The following TANGO6 variants were observed in gnomAD, a reference collection of about 807,000 sequenced individuals.
TANGO6 encodes the protein transport and golgi organization 6 homolog.
TANGO6 carries 90 observed loss-of-function variants against 114.2 expected under a neutral mutation model. That is an observed-to-expected ratio of 0.79 (90% confidence interval 0.66 to 0.94). The LOEUF (loss-of-function observed/expected upper bound fraction) is 0.94. TANGO6 is among the 40% of genes least tolerant of loss of function. The pLI, the probability that TANGO6 is intolerant of heterozygous loss-of-function variation, is 0.00. For missense variants in TANGO6, 1,274 were observed against 1,315.3 expected (o/e 0.97, Z 0.49); for synonymous variants, 477 against 509.8 (o/e 0.94, Z 0.87).
chr16:68,973,987 G>T (rs748813602), intron 14 of TANGO6, 41 bp from the exon 15 acceptor site: 1 of 1,563,626 alleles, frequency 6.4e-7, no homozygotes. Context: ...CCTTTTGATC[G>T]TAAACAGTAA....
intron 15 of TANGO6, among the ~76,000 whole-genome samples, chr16:69,011,697 A>G (rs901786103): frequency 6.6e-6 from 1 of 152,048 alleles, no homozygotes; most frequent in Non-Finnish European, 1.5e-5. Flanking sequence ...GCCTCAAGCC[A>G]TCCTCCCACC....
chr16:68,977,928 C>T (rs1002317880), intron 15 of TANGO6, among the ~76,000 whole-genome samples: 6 of 151,948 alleles, frequency 3.9e-5, no homozygotes, highest in East Asian at 2.0e-4. Flanking sequence ...TCAGGTGATC[C>T]GCCTGCCTTG....
chr16:69,076,753 A>G (rs1313621583), intron 17 of TANGO6, among the ~76,000 whole-genome samples: 1 of 152,202 alleles, frequency 6.6e-6, no homozygotes, highest in Non-Finnish European at 1.5e-5. Context: ...TGAGTCCACC[A>G]GAATCCTGTG....
intron 7 of TANGO6, among the ~76,000 whole-genome samples, chr16:68,899,788 A>G (rs937706013): frequency 2.0e-5 from 3 of 152,024 alleles, no homozygotes; most frequent in Middle Eastern, 6.8e-3. Flanking sequence ...TTTTGTAGAG[A>G]TGGGGTCTTA....
In TANGO6 at chr16:68,892,532, C is replaced by T. The variant is rs1417052191; in HGVS notation, c.1378-7902C>T. ...CTTTCTTTTTTTTTTTTTTTTGAGA[C>T]GGAGTCTCTGTCTGTTGCCCAGGCT... On this transcript the variant is annotated intron_variant, in intron 7 of 17. Transcript: ENST00000261778. Among the ~76,000 whole-genome samples the T allele has an allele frequency of 5.6e-5, 8 of 142,074 alleles. No individual in the cohort carries two copies. In the South Asian group the frequency reaches 1.1e-3, roughly 19 times the overall value. The allele number at this position is 142,074 out of a possible 152,430, so 93.2% of individuals were successfully genotyped here.
At chr16:68,893,897 A>G (rs910896125) in intron 7 of TANGO6, among the ~76,000 whole-genome samples, 2 of 152,064 alleles carry the variant, frequency 1.3e-5, no homozygotes, top group Admixed American at 6.5e-5. Context: ...GAAAGAGACT[A>G]AACATAAGCA....
At chr16:68,970,226 T>A (rs1439401154) in intron 14 of TANGO6, among the ~76,000 whole-genome samples, 1 of 152,146 alleles carries the variant, frequency 6.6e-6, no homozygotes, top group Non-Finnish European at 1.5e-5. Context: ...ATGGTGGTGT[T>A]GTTACCAGAA....
intron 4 of TANGO6, among the ~76,000 whole-genome samples, chr16:68,871,088 G>A (rs1962260619): frequency 6.6e-6 from 1 of 151,886 alleles, no homozygotes; most frequent in South Asian, 2.1e-4. Context: ...ACCGCACCCG[G>A]CCTGGCAATT....
At chr16:68,961,609 T>G (rs1327338651) in intron 14 of TANGO6, among the ~76,000 whole-genome samples, 2 of 152,248 alleles carry the variant, frequency 1.3e-5, no homozygotes, top group Non-Finnish European at 2.9e-5. Flanking sequence ...TAAATATGGC[T>G]GTCAGTAAAT....
At chr16:69,043,541 T>G (rs1959807116) in intron 17 of TANGO6, among the ~76,000 whole-genome samples, 1 of 152,138 alleles carries the variant, frequency 6.6e-6, no homozygotes, top group Non-Finnish European at 1.5e-5. Context: ...TCACTGAAAC[T>G]TATAAGTTGT....
At chr16:68,927,330 ATG>A (rs747941463) in intron 12 of TANGO6, among the ~76,000 whole-genome samples, 3 of 151,888 alleles carry the variant, frequency 2.0e-5, no homozygotes, top group Admixed American at 6.6e-5. Flanking sequence ...AAGGATATGA[ATG>A]TGTGTGTGTG....
intron 15 of TANGO6, among the ~76,000 whole-genome samples, chr16:68,987,172 A>G (rs1359929025): frequency 2.0e-5 from 3 of 151,616 alleles, no homozygotes; most frequent in Non-Finnish European, 2.9e-5. Flanking sequence ...TTTTTCTATG[A>G]TATACAGCTC....
chr16:68,847,750 A>T (rs1961836330), intron 1 of TANGO6, among the ~76,000 whole-genome samples: 1 of 152,188 alleles, frequency 6.6e-6, no homozygotes, highest in African/African-American at 2.4e-5. Flanking sequence ...CTGTAATCCT[A>T]GCACTTTGGG....
intron 1 of TANGO6, among the ~76,000 whole-genome samples, chr16:68,858,062 A>G: frequency 6.7e-6 from 1 of 149,438 alleles, no homozygotes; most frequent in African/African-American, 2.5e-5. Context: ...TATCTCTCGG[A>G]AGATTTTTTT....
chr16:68,941,985 C>T (rs1963359198), intron 14 of TANGO6, among the ~76,000 whole-genome samples: 1 of 152,040 alleles, frequency 6.6e-6, no homozygotes, highest in Non-Finnish European at 1.5e-5. Flanking sequence ...TTACAGGTTA[C>T]TGTAAAATTA....
intron 17 of TANGO6, among the ~76,000 whole-genome samples, chr16:69,077,221 A>AT (rs1385025064): frequency 4.4e-4 from 67 of 151,096 alleles, no homozygotes; most frequent in African/African-American, 1.5e-3. Context: ...ATTTTATTTT[A>AT]TTTTATTTTT....
intron 15 of TANGO6, among the ~76,000 whole-genome samples, chr16:68,999,287 C>T (rs895362833): frequency 6.6e-6 from 1 of 152,164 alleles, no homozygotes; most frequent in African/African-American, 2.4e-5. Context: ...CCCAAGATAA[C>T]CTGTATCTCC....
At chr16:68,873,660 A>T (rs139854437) in intron 4 of TANGO6, among the ~76,000 whole-genome samples, 64 of 152,328 alleles carry the variant, frequency 4.2e-4, no homozygotes, top group African/African-American at 1.2e-3. Flanking sequence ...CTCCATAAAA[A>T]TTATTCCTTT....
chr16:68,877,829 C>T (rs541163460), intron 5 of TANGO6, among the ~76,000 whole-genome samples: 3 of 152,122 alleles, frequency 2.0e-5, no homozygotes, highest in South Asian at 2.1e-4. Context: ...AGGATGGTCT[C>T]GATCTCCTGA....
Sources: gnomAD v4.1 joint callset for allele counts (sites outside exome capture counted in the v4.1 genomes callset) on GRCh38, gnomAD v4.1.1 for gene constraint, MANE v1.5 for transcripts, NCBI Gene and HGNC (gene_info 2026-07-23, HGNC 2026-07-21) for gene names.